BSN: variants seen among roughly 807,000 people sequenced by gnomAD.
The protein encoded by BSN is bassoon presynaptic cytomatrix protein, also known as protein bassoon.
BSN carries 57 observed loss-of-function variants against 264.8 expected under a neutral mutation model. The ratio of observed to expected loss-of-function variants is 0.22; its 90% CI spans 0.17 to 0.27. The LOEUF (loss-of-function observed/expected upper bound fraction) is 0.27, where lower values mean the gene tolerates loss of function less well. Among genes scored for constraint, BSN ranks in the 10% least tolerant of loss-of-function variants. The pLI, the probability that BSN is intolerant of heterozygous loss-of-function variation, is 1.00. For missense variants in BSN, 4,615 were observed against 5,232.5 expected, an observed-to-expected ratio of 0.88 and a Z score of 3.64; for synonymous variants, 2,059 against 2,137.3, an observed-to-expected ratio of 0.96 and a Z score of 1.01.
At chr3:49,659,268 C>T (rs1177695023) in intron 5 of BSN, among the ~76,000 whole-genome samples, 1 of 151,898 alleles carries the variant, frequency 6.6e-6, no homozygotes. Flanking sequence ...GAGGGCAGGT[C>T]AGAGAGGCAG....
Position 49,653,233 on chromosome 3 carries a change from C to G in BSN, c.3677C>G (p.Ser1226Cys). Residue 1226 changes from serine to cysteine, a missense_variant, in exon 5 of 12, where the codon TCC becomes TGC. Physicochemically the swap from Ser to Cys is moderately radical, Grantham distance 112. Transcript: ENST00000296452. This position sits in a 1 kb window ranked among gnomAD's most constrained non-coding sequence, Gnocchi z 6.3. ...SQPTGPRGLG[S>C]FEYQDTTDRE... ...CCCACAGGCCCCCGGGGCCTGGGCT[C>G]CTTCGAATATCAAGACACTACAGAC... 6.2e-7 allele frequency: 1 copy of G among 1,612,420 alleles called. No individual in the cohort carries two copies. The highest frequency in any genetic ancestry group is 8.5e-7 in the Non-Finnish European group (1 of 1,179,844).
At chr3:49,621,993 T>A (rs1015099226) in intron 1 of BSN, among the ~76,000 whole-genome samples, 1 of 152,114 alleles carries the variant, frequency 6.6e-6, no homozygotes, top group African/African-American at 2.4e-5. Context: ...TCTACTTTTT[T>A]GTTGTTTAGG....
chr3:49,554,850 G>A (rs2107993222), intron 1 of BSN, 24 bp downstream of exon 1: 5 of 1,198,102 alleles, frequency 4.2e-6, no homozygotes, highest in Non-Finnish European at 4.2e-6. Context: ...TCGGCGCCCG[G>A]GGGGCGGTGA....
intron 7 of BSN, 53 bp from the exon 8 acceptor site, chr3:49,663,734 T>C: frequency 6.2e-7 from 1 of 1,611,424 alleles, no homozygotes; most frequent in Non-Finnish European, 8.5e-7. Context: ...GGACATCCCC[T>C]TGGTTCCAGG....
intron 1 of BSN, among the ~76,000 whole-genome samples, chr3:49,568,887 G>A (rs992557601): frequency 6.6e-6 from 1 of 152,210 alleles, no homozygotes; most frequent in Non-Finnish European, 1.5e-5. Flanking sequence ...GAGAGCCAAA[G>A]GCAGAAGCAA....
chr3:49,602,291 C>T lies in BSN; in HGVS notation c.225-22684C>T, dbSNP rs550555253. 2.6e-4 allele frequency among the ~76,000 whole-genome samples: 40 copies of T among 152,302 alleles called. No individual in the cohort carries two copies. The South Asian group carries it at 6.6e-3, about 25-fold the overall frequency. ...CAGGACAACTCATTCTGACTGAATT[C>T]GCCCCAGGGCAACTGGCAGTGCCTC... On this transcript the variant is annotated intron_variant, in intron 1 of 11. Transcript: ENST00000296452.
At chr3:49,665,117 C>A in intron 10 of BSN, 112 bp from the exon 11 acceptor site, 1 of 400,914 alleles carries the variant, frequency 2.5e-6, no homozygotes, top group Non-Finnish European at 4.5e-6. Flanking sequence ...CCCTGGCTTT[C>A]AAACCATCTG....
At chr3:49,632,007 C>G (rs2108063415) in intron 2 of BSN, among the ~76,000 whole-genome samples, 1 of 152,234 alleles carries the variant, frequency 6.6e-6, no homozygotes, top group East Asian at 1.9e-4. Flanking sequence ...AATACGTAGC[C>G]CAGAAATAAA....
Position 49,655,656 on chromosome 3 carries a change from GGGCAGGGCTTGCAGTA to G in BSN, c.6101_6116del (p.Gly2034ValfsTer155). 6.2e-7 allele frequency: 1 copy of G among 1,613,690 alleles called. No individual in the cohort carries two copies. Among genetic ancestry groups the G allele is most frequent in the Non-Finnish European group, 8.5e-7 (1 of 1,180,008 alleles). ...GGGCTTTGCGGATGGACGCTACCTA[GGGCAGGGCTTGCAGTA>G]TGGCTCAGTCACGGACCTGCGTCAT... is the stretch of plus-strand genomic sequence containing the variant. On this transcript the variant is annotated frameshift_variant, in exon 5 of 12. Transcript: ENST00000296452. LOFTEE classifies it high-confidence loss of function.
intron 2 of BSN, among the ~76,000 whole-genome samples, chr3:49,635,387 G>A (rs1038475872): frequency 6.6e-6 from 1 of 152,108 alleles, no homozygotes; most frequent in Non-Finnish European, 1.5e-5. Context: ...GAATATCTGA[G>A]CAGTAGTGGG....
At position 49,642,337 on chromosome 3, in the gene BSN, C is replaced by T. The variant is rs968160275; in HGVS notation, c.703C>T (p.Arg235Cys). Residue 235 changes from arginine to cysteine, a missense_variant, in exon 3 of 12, where the codon CGC becomes TGC. This residue lies in a region of BSN where 1,197 missense variants were observed against 1,348.0 expected (regional missense o/e 0.89). Transcript: ENST00000296452. This position sits in a 1 kb window ranked among gnomAD's most constrained non-coding sequence, Gnocchi z 7.0. ...ALGMDMTTAP[R>C]SKSQQQLHSP... Reference sequence around the variant, plus strand: ...GGGAATGGACATGACCACTGCACCTCGCTCCAAGAGCCAGCAGCAGCTGCA... The same window carrying T: ...GGGAATGGACATGACCACTGCACCTTGCTCCAAGAGCCAGCAGCAGCTGCA... 1.9e-5 allele frequency: 30 copies of T among 1,599,078 alleles called. No individual in the cohort carries two copies. The highest frequency in any genetic ancestry group is 3.5e-5 in the Admixed American group (2 of 57,700).
intron 9 of BSN, 82 bp from the exon 10 acceptor site, chr3:49,664,717 T>C (rs2052698970): frequency 6.3e-7 from 1 of 1,585,584 alleles, no homozygotes; most frequent in African/African-American, 1.3e-5. Flanking sequence ...GGGCTGAGCT[T>C]GCCTTCACTA....
rs904433597 is a variant in BSN, at chr3:49,655,707, C to G, written c.6151C>G (p.Leu2051Val). The G allele has an allele frequency of 6.2e-7, 1 of 1,613,440 alleles. No individual in the cohort carries two copies. Among genetic ancestry groups the G allele is most frequent in the African/African-American group, 1.3e-5 (1 of 74,938 alleles). ...SVTDLRHPTD[L>V]LAHPLPMRRY... ...CACGGACCTGCGTCATCCTACAGAC[C>G]TTTTGGCTCACCCGCTTCCCATGCG... The change falls in exon 5 of 12, where the codon CTT (leucine) becomes GTT (valine). Residue 2051 changes from leucine to valine, a missense_variant. Transcript: ENST00000296452.
intron 1 of BSN, among the ~76,000 whole-genome samples, chr3:49,600,988 CTG>C (rs1285422207): frequency 2.0e-5 from 3 of 152,102 alleles, no homozygotes; most frequent in Admixed American, 2.0e-4. Flanking sequence ...ACAGAGGTGA[CTG>C]AGACAGAAGA....
At chr3:49,596,786 A>G (rs951014386) in intron 1 of BSN, among the ~76,000 whole-genome samples, 6 of 152,140 alleles carry the variant, frequency 3.9e-5, no homozygotes, top group East Asian at 3.9e-4. Context: ...TCAGCCTCCT[A>G]AGTAGCTGGG....
chr3:49,630,980 A>G (rs1209275705), intron 2 of BSN, among the ~76,000 whole-genome samples: 3 of 152,144 alleles, frequency 2.0e-5, no homozygotes, highest in Admixed American at 6.5e-5. Flanking sequence ...TGGCCTGGAC[A>G]GGCATGTTTA....
At chr3:49,583,969 G>C (rs553490372) in intron 1 of BSN, among the ~76,000 whole-genome samples, 3 of 152,236 alleles carry the variant, frequency 2.0e-5, no homozygotes, top group Admixed American at 2.0e-4. Context: ...TGCCTCCCGA[G>C]TTCACTCCAT....
chr3:49,652,199 C>G lies in BSN; in HGVS notation c.2643C>G (p.Pro881=). 1 of 1,613,480 alleles carries G rather than the reference C, an allele frequency of 6.2e-7. No individual in the cohort carries two copies. Among genetic ancestry groups the G allele is most frequent in the Non-Finnish European group, 8.5e-7 (1 of 1,179,646 alleles). The change falls in exon 5 of 12, where the codon CCC becomes CCG. Residue 881 remains proline (P), a synonymous_variant. Coordinates refer to ENST00000296452, the MANE Select transcript of BSN (RefSeq NM_003458.4). ...GCACCCAGAAAGGTGGCCCCAGACCCAGGCCTGAGCCTAGCCAAGAACCAG... is the reference window on the plus strand; with the variant it reads ...GCACCCAGAAAGGTGGCCCCAGACCGAGGCCTGAGCCTAGCCAAGAACCAG... ...KHGTQKGGPR[P]RPEPSQEPAA...
intron 8 of BSN, 74 bp from the exon 9 acceptor site, chr3:49,664,349 G>A (rs1383439294): frequency 8.1e-6 from 13 of 1,595,366 alleles, no homozygotes; most frequent in East Asian, 2.2e-5. Flanking sequence ...AGATTCTCTC[G>A]TGGGTACTTG....
Sources: gnomAD v4.1 joint callset for allele counts (sites outside exome capture counted in the v4.1 genomes callset) on GRCh38, gnomAD v4.1.1 for gene constraint, gnomAD v4.1.1 regional missense constraint, Gnocchi (gnomAD v3.1) non-coding constraint, MANE v1.5 for transcripts, NCBI Gene and HGNC (gene_info 2026-07-23, HGNC 2026-07-21) for gene names.